Variants in MYOZ2 observed in about 807,000 individuals in gnomAD.
MYOZ2 encodes the protein myozenin-2.
Under a neutral mutation model 25.4 loss-of-function variants are expected in MYOZ2, and 19 were observed. The observed-to-expected ratio is 0.75, with a 90% CI of 0.52 to 1.10. The LOEUF (loss-of-function observed/expected upper bound fraction) is 1.10. MYOZ2 is among the 50% of genes least tolerant of loss of function. The probability of loss-of-function intolerance (pLI) is 0.00; values close to 1 mark genes in which losing one functional copy is unlikely to be tolerated. For synonymous variants in MYOZ2, 92 were observed against 106.9 expected, an observed-to-expected ratio of 0.86 and a Z score of 0.86; for missense variants, 270 against 317.9, an observed-to-expected ratio of 0.85 and a Z score of 1.15.
At position 119,150,977 on chromosome 4, in the gene MYOZ2, G is replaced by A. The variant is rs748259386; in HGVS notation, c.182G>A (p.Arg61His). Reference protein sequence around the residue: ...SNRGARLFKMRQRRSDKYTFE... With the variant: ...SNRGARLFKMHQRRSDKYTFE... Reference sequence around the variant, plus strand: ...CGTGGTGCCAGGCTATTTAAGATGCGTCAAAGAAGATCTGACAAATACACA... The same window carrying A: ...CGTGGTGCCAGGCTATTTAAGATGCATCAAAGAAGATCTGACAAATACACA... Residue 61 changes from arginine to histidine, a missense_variant, in exon 3 of 6, where the codon CGT becomes CAT. Coordinates refer to ENST00000307128, the MANE Select transcript of MYOZ2 (RefSeq NM_016599.5). The A allele has an allele frequency of 7.4e-6, 12 of 1,613,232 alleles. No homozygotes were observed. The highest frequency in any genetic ancestry group is 4.0e-5 in the African/African-American group (3 of 74,858).
intron 2 of MYOZ2, among the ~76,000 whole-genome samples, chr4:119,150,623 A>G (rs973605996): frequency 6.6e-6 from 1 of 152,054 alleles, no homozygotes; most frequent in South Asian, 2.1e-4. Context: ...AATTCACACT[A>G]TGTGCCAGGT....
chr4:119,186,551 G>C lies in MYOZ2; in HGVS notation c.*351G>C. On this transcript the variant is annotated 3_prime_UTR_variant, in exon 6 of 6. Transcript: ENST00000307128. ...GTGTAAGTTTTTCAAGTGGAATCTA[G>C]AATCAAAATACAGGGAGAGATATGA... is the stretch of plus-strand genomic sequence containing the variant. 4.0e-6 allele frequency: 1 copy of C among 252,960 alleles called. No homozygotes were observed. The highest frequency in any genetic ancestry group is 7.7e-6 in the Non-Finnish European group (1 of 130,286). The allele number at this position is 252,960 out of a possible 1,614,324, so 15.7% of individuals were successfully genotyped here.
At chr4:119,182,058 G>T (rs1469372539) in intron 5 of MYOZ2, among the ~76,000 whole-genome samples, 2 of 152,090 alleles carry the variant, frequency 1.3e-5, no homozygotes, top group African/African-American at 2.4e-5. Flanking sequence ...AAGCTTTTGG[G>T]ATTATTTTCT....
chr4:119,177,512 A>G (rs1327055176), intron 5 of MYOZ2, among the ~76,000 whole-genome samples: 1 of 152,166 alleles, frequency 6.6e-6, no homozygotes, highest in African/African-American at 2.4e-5. Context: ...TCTTCTCAAC[A>G]TGGGATGTTT....
chr4:119,174,238 C>T (rs1742006174), intron 5 of MYOZ2, among the ~76,000 whole-genome samples: 1 of 152,224 alleles, frequency 6.6e-6, no homozygotes, highest in Non-Finnish European at 1.5e-5. Context: ...TAGGTGAAGC[C>T]AGCTGGGCTC....
At chr4:119,141,319 C>A (rs980937259) in intron 2 of MYOZ2, among the ~76,000 whole-genome samples, 1 of 152,198 alleles carries the variant, frequency 6.6e-6, no homozygotes, top group Non-Finnish European at 1.5e-5. Context: ...ACTCATCTAA[C>A]TGAAGTTCTC....
At chr4:119,175,489 A>C (rs1742048947) in intron 5 of MYOZ2, among the ~76,000 whole-genome samples, 1 of 152,142 alleles carries the variant, frequency 6.6e-6, no homozygotes, top group South Asian at 2.1e-4. Flanking sequence ...GGCCAGGTGC[A>C]GTGGGTCACA....
intron 5 of MYOZ2, among the ~76,000 whole-genome samples, chr4:119,173,972 A>G (rs944114299): frequency 2.0e-5 from 3 of 152,204 alleles, no homozygotes; most frequent in Admixed American, 6.5e-5. Context: ...CAGCAGTGCC[A>G]GCCCACCGGC....
intron 5 of MYOZ2, among the ~76,000 whole-genome samples, chr4:119,178,856 C>G (rs940646720): frequency 6.6e-6 from 1 of 152,178 alleles, no homozygotes; most frequent in African/African-American, 2.4e-5. Context: ...ATCCACCTGC[C>G]TCGGCCTCCC....
rs757308978 is a variant in MYOZ2 at position 119,138,049 on chromosome 4, T to C, written c.76+1448T>C. On this transcript the variant is annotated intron_variant, in intron 2 of 5. Transcript: ENST00000307128. Reference sequence around the variant, plus strand: ...TCTACTGTTAGCTCTGACATAGATCTATAAGGGTAAGAAGTTTTTTTTCCT... The same window carrying C: ...TCTACTGTTAGCTCTGACATAGATCCATAAGGGTAAGAAGTTTTTTTTCCT... 3.5e-4 allele frequency among the ~76,000 whole-genome samples: 53 copies of C among 152,226 alleles called. 1 individual carries two copies. The highest frequency in any genetic ancestry group is 1.5e-4 in the Non-Finnish European group (10 of 68,020).
chr4:119,177,315 C>G (rs993088164), intron 5 of MYOZ2, among the ~76,000 whole-genome samples: 6 of 152,160 alleles, frequency 3.9e-5, no homozygotes, highest in African/African-American at 1.4e-4. Flanking sequence ...CATATTTAAG[C>G]AGCTGAATGT....
At chr4:119,174,374 G>A (rs973311920) in intron 5 of MYOZ2, among the ~76,000 whole-genome samples, 1 of 152,096 alleles carries the variant, frequency 6.6e-6, no homozygotes, top group African/African-American at 2.4e-5. Context: ...TCTAGCTCAG[G>A]GTTTGTGAAT....
intron 5 of MYOZ2, among the ~76,000 whole-genome samples, chr4:119,183,554 G>A (rs539654772): frequency 2.0e-5 from 3 of 152,244 alleles, no homozygotes; most frequent in African/African-American, 7.2e-5. Context: ...ATGTCTAATC[G>A]TGTTTTCCAC....
chr4:119,138,388 T>C (rs926309274), intron 2 of MYOZ2, among the ~76,000 whole-genome samples: 2 of 152,202 alleles, frequency 1.3e-5, no homozygotes, highest in African/African-American at 4.8e-5. Flanking sequence ...TTTCTTCTCT[T>C]ATTTCCTCTG....
intron 5 of MYOZ2, among the ~76,000 whole-genome samples, chr4:119,182,977 T>C (rs1164521161): frequency 6.6e-6 from 1 of 152,100 alleles, no homozygotes; most frequent in Admixed American, 6.6e-5. Context: ...TATGTTTTAA[T>C]TAATTCTTTA....
chr4:119,175,002 C>G (rs1742031942), intron 5 of MYOZ2, among the ~76,000 whole-genome samples: 1 of 151,892 alleles, frequency 6.6e-6, no homozygotes, highest in Non-Finnish European at 1.5e-5. Flanking sequence ...GACCATGAAC[C>G]CACCAGAAGG....
intron 3 of MYOZ2, among the ~76,000 whole-genome samples, chr4:119,153,517 A>G (rs1352907343): frequency 6.6e-6 from 1 of 152,100 alleles, no homozygotes; most frequent in Non-Finnish European, 1.5e-5. Context: ...TATGATTTTT[A>G]TACCACATTA....
chr4:119,181,068 A>G (rs181705104), intron 5 of MYOZ2, among the ~76,000 whole-genome samples: 3 of 152,220 alleles, frequency 2.0e-5, no homozygotes, highest in African/African-American at 7.2e-5. Context: ...TTTCTCCACA[A>G]CACCTATTCA....
intron 5 of MYOZ2, among the ~76,000 whole-genome samples, chr4:119,181,942 T>C (rs1267479969): frequency 1.3e-5 from 2 of 152,206 alleles, no homozygotes. Flanking sequence ...TAGTAAATAT[T>C]ATAAAACACG....
Sources: allele counts gnomAD v4.1 joint callset (sites outside exome capture counted in the v4.1 genomes callset), GRCh38; gene constraint gnomAD v4.1.1; transcripts MANE v1.5; gene names NCBI Gene and HGNC (gene_info 2026-07-23, HGNC 2026-07-21).